The following TENM3 variants were observed in gnomAD, a reference collection of about 807,000 sequenced individuals.
The protein encoded by TENM3 is teneurin transmembrane protein 3.
Under a neutral mutation model 255.1 loss-of-function variants are expected in TENM3, and 63 were observed. The ratio of observed to expected loss-of-function variants is 0.25; its 90% CI spans 0.20 to 0.30. The LOEUF is 0.30. TENM3 is among the 10% of genes least tolerant of loss of function. The probability of loss-of-function intolerance (pLI) is 1.00; values close to 1 mark genes in which losing one functional copy is unlikely to be tolerated. For missense variants in TENM3, 2,929 were observed against 3,461.1 expected (o/e 0.85, Z 3.86); for synonymous variants, 1,306 against 1,322.3 (o/e 0.99, Z 0.27).
the TENM3 span, among the ~76,000 whole-genome samples, chr4:181,854,470 G>C: frequency 1.3e-5 from 2 of 152,024 alleles, no homozygotes; most frequent in Non-Finnish European, 2.9e-5. Context: ...TCTTTCCCTA[G>C]ACACAGAGTT....
intron 3 of TENM3, among the ~76,000 whole-genome samples, chr4:182,445,313 A>G (rs1372211100): frequency 2.0e-5 from 3 of 152,230 alleles, no homozygotes; most frequent in Non-Finnish European, 4.4e-5. Context: ...AGATTAGAAA[A>G]TTAAATAAAA....
At chr4:182,580,539 T>A (rs1745388138) in intron 3 of TENM3, among the ~76,000 whole-genome samples, 1 of 152,174 alleles carries the variant, frequency 6.6e-6, no homozygotes, top group Non-Finnish European at 1.5e-5. Flanking sequence ...ACCATTTCAC[T>A]GTGAGTGTAA....
the TENM3 span, among the ~76,000 whole-genome samples, chr4:181,577,794 T>C: frequency 4.4e-5 from 3 of 68,108 alleles, no homozygotes; most frequent in Admixed American, 4.1e-4. Context: ...TACTCTGCTC[T>C]TTTTTTTAAT....
chr4:181,808,819 G>T, the TENM3 span, among the ~76,000 whole-genome samples: 3 of 152,160 alleles, frequency 2.0e-5, no homozygotes, highest in Admixed American at 6.5e-5. Context: ...TACACACAAG[G>T]AGGTATACTT....
intron 3 of TENM3, among the ~76,000 whole-genome samples, chr4:182,450,068 TAATCA>T (rs1477661765): frequency 2.6e-5 from 4 of 152,242 alleles, no homozygotes; most frequent in Admixed American, 1.3e-4. Context: ...AAGCCTAATA[TAATCA>T]AATTCAGTGC....
the TENM3 span, among the ~76,000 whole-genome samples, chr4:181,745,629 G>A: frequency 6.6e-6 from 1 of 152,102 alleles, no homozygotes; most frequent in African/African-American, 2.4e-5. Flanking sequence ...TGCAGAAAGG[G>A]AGATAGATAA....
the TENM3 span, among the ~76,000 whole-genome samples, chr4:181,763,176 A>G: frequency 4.6e-5 from 7 of 152,196 alleles, no homozygotes; most frequent in Admixed American, 4.6e-4. Context: ...CTAAACTACC[A>G]TTACAACAAA....
the TENM3 span, among the ~76,000 whole-genome samples, chr4:181,451,462 T>C: frequency 6.6e-6 from 1 of 152,138 alleles, no homozygotes; most frequent in African/African-American, 2.4e-5. Flanking sequence ...CAGATTTCTA[T>C]TAAAAATCAT....
intron 5 of TENM3, among the ~76,000 whole-genome samples, chr4:182,636,003 C>T (rs924637535): frequency 6.6e-6 from 1 of 152,020 alleles, no homozygotes; most frequent in Non-Finnish European, 1.5e-5. Context: ...ATTCTTTTTT[C>T]TTTTTGGACA....
At chr4:182,090,569 T>C in the TENM3 span, among the ~76,000 whole-genome samples, 1 of 152,176 alleles carries the variant, frequency 6.6e-6, no homozygotes, top group African/African-American at 2.4e-5. Context: ...GGTCGGACCA[T>C]GCCCTCGGCA....
At chr4:182,378,655 G>A (rs1010263572) in intron 3 of TENM3, among the ~76,000 whole-genome samples, 5 of 152,170 alleles carry the variant, frequency 3.3e-5, no homozygotes, top group Non-Finnish European at 7.3e-5. Flanking sequence ...CAGCGGTCAC[G>A]GAGGACAGTG....
the TENM3 span, among the ~76,000 whole-genome samples, chr4:181,593,304 T>A: frequency 6.6e-6 from 1 of 152,180 alleles, no homozygotes; most frequent in Non-Finnish European, 1.5e-5. Flanking sequence ...CTTCCTAGGT[T>A]TTTATAAACT....
chr4:181,557,037 T>C, the TENM3 span, among the ~76,000 whole-genome samples: 7 of 152,334 alleles, frequency 4.6e-5, no homozygotes, highest in East Asian at 9.7e-4. Flanking sequence ...TTGACACTAA[T>C]GTTAAAAAGT....
the TENM3 span, among the ~76,000 whole-genome samples, chr4:181,778,104 C>T: frequency 6.6e-6 from 1 of 152,028 alleles, no homozygotes; most frequent in Non-Finnish European, 1.5e-5. Flanking sequence ...CTTTCATATG[C>T]CAGGCACTAT....
At chr4:182,790,207 T>C (rs1213677758) in intron 25 of TENM3, among the ~76,000 whole-genome samples, 1 of 152,220 alleles carries the variant, frequency 6.6e-6, no homozygotes, top group Non-Finnish European at 1.5e-5. Context: ...GATTCTGTTT[T>C]GAGTTCCGGT....
At chr4:182,053,791 G>A in the TENM3 span, among the ~76,000 whole-genome samples, 7 of 152,180 alleles carry the variant, frequency 4.6e-5, no homozygotes, top group Admixed American at 6.5e-5. Flanking sequence ...CTCAGATGCT[G>A]GGCTTGGCCT....
intron 5 of TENM3, among the ~76,000 whole-genome samples, chr4:182,638,547 TG>T (rs1285468556): frequency 2.0e-5 from 3 of 152,220 alleles, no homozygotes; most frequent in Non-Finnish European, 2.9e-5. Context: ...AGAACAAGTA[TG>T]TTTTTTTAGC....
chr4:181,536,282 A>G, the TENM3 span, among the ~76,000 whole-genome samples: 1 of 152,154 alleles, frequency 6.6e-6, no homozygotes, highest in Non-Finnish European at 1.5e-5. Flanking sequence ...GTGTTCCCGC[A>G]TGAGGAGTAA....
At chr4:181,506,467 A>C in the TENM3 span, among the ~76,000 whole-genome samples, 1 of 152,084 alleles carries the variant, frequency 6.6e-6, no homozygotes, top group Admixed American at 6.6e-5. Flanking sequence ...GTCCTTCAAA[A>C]AGCTGGGAAA....
Sources: gnomAD v4.1 joint callset for allele counts (sites outside exome capture counted in the v4.1 genomes callset) on GRCh38, gnomAD v4.1.1 for gene constraint, MANE v1.5 for transcripts, NCBI Gene and HGNC (gene_info 2026-07-23, HGNC 2026-07-21) for gene names.